SOX5: variants seen among roughly 807,000 people sequenced by gnomAD.
The protein encoded by SOX5 is transcription factor SOX-5.
A neutral mutation model predicts 92.0 loss-of-function variants in SOX5; 9 were observed. The observed-to-expected ratio is 0.10, with a 90% CI of 0.06 to 0.17. SOX5 has a LOEUF of 0.17. Ranked by LOEUF, SOX5 falls within the 10% of genes least tolerant of loss-of-function variation. SOX5 has a pLI of 1.00. For synonymous variants in SOX5, 344 were observed against 336.3 expected (o/e 1.02, Z -0.25); for missense variants, 642 against 944.5 (o/e 0.68, Z 4.20).
intron 4 of SOX5, among the ~76,000 whole-genome samples, chr12:23,979,704 T>TG (rs1204848382): frequency 2.5e-5 from 2 of 78,906 alleles, no homozygotes; most frequent in African/African-American, 9.9e-5. Context: ...ATATGTTTTT[T>TG]TTGTTTTTTT....
intron 4 of SOX5, among the ~76,000 whole-genome samples, chr12:24,008,962 T>C (rs1952620080): frequency 6.6e-6 from 1 of 152,212 alleles, no homozygotes; most frequent in Non-Finnish European, 1.5e-5. Flanking sequence ...CAATGTCTTC[T>C]GAAATGTTCA....
At chr12:23,843,433 T>G (rs1240990357) in intron 3 of SOX5, among the ~76,000 whole-genome samples, 2 of 152,018 alleles carry the variant, frequency 1.3e-5, no homozygotes, top group East Asian at 3.9e-4. Flanking sequence ...ACATGGGAAC[T>G]CTGTACTATC....
chr12:24,100,874 T>A (rs1946012686), intron 4 of SOX5, among the ~76,000 whole-genome samples: 2 of 152,246 alleles, frequency 1.3e-5, no homozygotes, highest in Admixed American at 6.5e-5. Flanking sequence ...TCTCTTTCCC[T>A]CTCTTACATC....
chr12:23,691,293 A>G (rs1402254923), intron 6 of SOX5, among the ~76,000 whole-genome samples: 1 of 152,236 alleles, frequency 6.6e-6, no homozygotes, highest in Non-Finnish European at 1.5e-5. Context: ...TGTCTTCTTT[A>G]GATTATCACA....
intron 4 of SOX5, among the ~76,000 whole-genome samples, chr12:24,076,509 C>A (rs1004547759): frequency 1.3e-5 from 2 of 152,186 alleles, no homozygotes; most frequent in Non-Finnish European, 2.9e-5. Flanking sequence ...ATTCTGGTTG[C>A]TTGCTTTAAA....
intron 6 of SOX5, among the ~76,000 whole-genome samples, chr12:23,724,619 T>G (rs763580500): frequency 2.0e-5 from 3 of 152,210 alleles, no homozygotes; most frequent in Non-Finnish European, 4.4e-5. Context: ...TTATGTACCT[T>G]AAACTGTTTG....
chr12:24,238,434 CT>C (rs1964935753), intron 3 of SOX5, among the ~76,000 whole-genome samples: 1 of 152,204 alleles, frequency 6.6e-6, no homozygotes, highest in African/African-American at 2.4e-5. Context: ...TCACTGTAGC[CT>C]CAACCCCCCA....
intron 9 of SOX5, among the ~76,000 whole-genome samples, chr12:23,577,191 A>ATATATATATAT (rs71059907): frequency 8.1e-5 from 5 of 61,404 alleles, no homozygotes; most frequent in African/African-American, 2.8e-4. Flanking sequence ...ATATATATAT[A>ATATATATATAT]TTTTTTTTTT....
intron 4 of SOX5, among the ~76,000 whole-genome samples, chr12:23,964,006 A>C (rs910064346): frequency 2.6e-5 from 4 of 152,036 alleles, no homozygotes; most frequent in Non-Finnish European, 4.4e-5. Context: ...CAAAAAAAAA[A>C]CTTAGGAAGA....
intron 1 of SOX5, among the ~76,000 whole-genome samples, chr12:24,384,503 A>T (rs1189386518): frequency 6.6e-6 from 1 of 152,194 alleles, no homozygotes; most frequent in Non-Finnish European, 1.5e-5. Context: ...GAAAGGGTAA[A>T]GTGCTTCCTT....
chr12:23,557,705 T>C (rs1316616362), intron 11 of SOX5, among the ~76,000 whole-genome samples: 1 of 152,110 alleles, frequency 6.6e-6, no homozygotes, highest in African/African-American at 2.4e-5. Context: ...GCCAGGCACA[T>C]TGGCTCATGC....
At chr12:23,695,160 A>T (rs1034209389) in intron 6 of SOX5, among the ~76,000 whole-genome samples, 12 of 151,822 alleles carry the variant, frequency 7.9e-5, no homozygotes, top group African/African-American at 2.9e-4. Context: ...TTGTGTGTGT[A>T]TATTTCTGAA....
chr12:24,338,067 G>A (rs972815374), intron 2 of SOX5, among the ~76,000 whole-genome samples: 2 of 151,836 alleles, frequency 1.3e-5, no homozygotes, highest in African/African-American at 4.8e-5. Context: ...CCTTTCTCTG[G>A]TTTTTGAAAC....
In SOX5 at chr12:23,600,522, C is replaced by CATATATATATATATATATATATAT. The variant is rs371480644; in HGVS notation, c.1164+3841_1164+3864dup. Among the ~76,000 whole-genome samples, 47 of 39,784 alleles carry CATATATATATATATATATATATAT rather than the reference C, an allele frequency of 1.2e-3. 4 individuals are homozygous for CATATATATATATATATATATATAT. Among genetic ancestry groups the CATATATATATATATATATATATAT allele is most frequent in the African/African-American group, 3.0e-3 (32 of 10,672 alleles). 26.1% of individuals were successfully genotyped at this position (39,784 alleles called of 152,430 possible). A position where few individuals can be genotyped will look rare whatever the true frequency, so the allele number is the denominator to read the frequency against. Reference sequence around the variant, plus strand: ...AAGATAGACCATGGCGGGGGGGGTGCATATATATATATATATATATATATA... The same window carrying CATATATATATATATATATATATAT: ...AAGATAGACCATGGCGGGGGGGGTGCATATATATATATATATATATATATATATATATATATATATATATATATA... On this transcript the variant is annotated intron_variant, in intron 9 of 14. Transcript: ENST00000451604.
chr12:23,994,456 G>A (rs1950852901), intron 4 of SOX5, among the ~76,000 whole-genome samples: 1 of 152,062 alleles, frequency 6.6e-6, no homozygotes, highest in African/African-American at 2.4e-5. Context: ...GGTATATATA[G>A]ATACAGATAT....
intron 6 of SOX5, among the ~76,000 whole-genome samples, chr12:23,719,563 T>C (rs940352239): frequency 3.3e-5 from 5 of 151,776 alleles, no homozygotes; most frequent in African/African-American, 4.8e-5. Flanking sequence ...CTGGGCAACA[T>C]AGGGAGGGTC....
chr12:23,950,481 C>G (rs751642823), upstream of SOX5, among the ~76,000 whole-genome samples: 2 of 152,188 alleles, frequency 1.3e-5, no homozygotes, highest in Non-Finnish European at 2.9e-5. Flanking sequence ...CTCTAAACTC[C>G]ATAAAACACG....
chr12:24,140,717 T>C (rs1447561439), intron 4 of SOX5, among the ~76,000 whole-genome samples: 1 of 152,200 alleles, frequency 6.6e-6, no homozygotes, highest in Non-Finnish European at 1.5e-5. Context: ...TAACAACGTA[T>C]GTATTTACTC....
chr12:23,948,265 G>T (rs565212410), intron 1 of SOX5, among the ~76,000 whole-genome samples: 4 of 150,580 alleles, frequency 2.7e-5, no homozygotes, highest in South Asian at 2.1e-4. Flanking sequence ...TGACAGCACC[G>T]AAGTATATGT....
Sources: allele counts gnomAD v4.1 joint callset (sites outside exome capture counted in the v4.1 genomes callset), GRCh38; gene constraint gnomAD v4.1.1; transcripts MANE v1.5; gene names NCBI Gene and HGNC (gene_info 2026-07-23, HGNC 2026-07-21).